The following FUT9 variants were observed in gnomAD, a reference collection of about 807,000 sequenced individuals.
The protein encoded by FUT9 is 4-galactosyl-N-acetylglucosaminide 3-alpha-L-fucosyltransferase 9.
Under a neutral mutation model 29.7 loss-of-function variants are expected in FUT9, and 15 were observed. The observed-to-expected ratio is 0.51, with a 90% CI of 0.34 to 0.78. The LOEUF (loss-of-function observed/expected upper bound fraction) is 0.78, where lower values mean the gene tolerates loss of function less well. Among genes scored for constraint, FUT9 ranks in the 30% least tolerant of loss-of-function variants. The pLI is 0.01. For missense variants in FUT9, 319 were observed against 425.4 expected, an observed-to-expected ratio of 0.75 and a Z score of 2.20; for synonymous variants, 169 against 153.7, an observed-to-expected ratio of 1.10 and a Z score of -0.74.
intron 1 of FUT9, among the ~76,000 whole-genome samples, chr6:96,087,779 T>A (rs146312454): frequency 1.3e-5 from 2 of 152,334 alleles, no homozygotes; most frequent in East Asian, 3.9e-4. Context: ...AATGTTCTGA[T>A]ATAGAGAAAA....
chr6:96,203,230 T>C lies in FUT9; in HGVS notation c.75T>C (p.Cys25=). 1.9e-6 allele frequency: 3 copies of C among 1,613,546 alleles called. No homozygotes were observed. Among genetic ancestry groups the C allele is most frequent in the Non-Finnish European group, 2.5e-6 (3 of 1,179,476 alleles). Residue 25 remains cysteine (C), a synonymous_variant, in exon 3 of 3, where the codon TGT becomes TGC. Coordinates refer to ENST00000302103, the MANE Select transcript of FUT9 (RefSeq NM_006581.4). ...TTATCCTGGGCTGTTTCATGGCATG[T>C]CTTCTCATTTACATCAAACCTACCA... ...VCIILGCFMA[C]LLIYIKPTNS...
intron 1 of FUT9, among the ~76,000 whole-genome samples, chr6:96,035,653 C>CTAATA (rs201146589): frequency 0.43 from 58,216 of 134,606 alleles, 12,578 homozygotes; most frequent in South Asian, 0.46. Context: ...ATTTATTATA[C>CTAATA]TAATATAATA....
chr6:96,135,498 G>A (rs1772330325), intron 2 of FUT9, among the ~76,000 whole-genome samples: 1 of 151,896 alleles, frequency 6.6e-6, no homozygotes, highest in South Asian at 2.1e-4. Flanking sequence ...CAGTTGGCCA[G>A]CCAATTTAAT....
At chr6:96,169,404 TAGTA>T (rs1773071879) in intron 2 of FUT9, among the ~76,000 whole-genome samples, 1 of 152,212 alleles carries the variant, frequency 6.6e-6, no homozygotes, top group Non-Finnish European at 1.5e-5. Flanking sequence ...TTATGGCACA[TAGTA>T]AGTACTCAAT....
At chr6:96,161,246 TCC>T (rs1772895515) in intron 2 of FUT9, among the ~76,000 whole-genome samples, 1 of 152,130 alleles carries the variant, frequency 6.6e-6, no homozygotes, top group Non-Finnish European at 1.5e-5. Flanking sequence ...TACAGAGCTC[TCC>T]TGGATGGGAT....
intron 2 of FUT9, among the ~76,000 whole-genome samples, chr6:96,151,720 C>T (rs17056252): frequency 0.16 from 24,111 of 152,146 alleles, 2,122 homozygotes; most frequent in African/African-American, 0.19. Context: ...CTCATGAGCT[C>T]TGAGTTTCAG....
intron 2 of FUT9, among the ~76,000 whole-genome samples, chr6:96,168,908 C>A (rs1045967126): frequency 1.3e-5 from 2 of 152,132 alleles, no homozygotes; most frequent in Non-Finnish European, 2.9e-5. Flanking sequence ...AAGGAATTGG[C>A]TCTCATAGGA....
chr6:96,093,622 G>A (rs1771449945), intron 1 of FUT9, among the ~76,000 whole-genome samples: 2 of 152,038 alleles, frequency 1.3e-5, no homozygotes, highest in African/African-American at 4.8e-5. Context: ...ACAAAAATTA[G>A]AATTTAAATA....
intron 1 of FUT9, among the ~76,000 whole-genome samples, chr6:96,095,495 A>G (rs1379505296): frequency 1.3e-5 from 2 of 152,100 alleles, no homozygotes; most frequent in African/African-American, 4.8e-5. Flanking sequence ...AATTCAGACA[A>G]AGTATCAGTC....
chr6:96,047,202 G>A (rs898327654), intron 1 of FUT9, among the ~76,000 whole-genome samples: 2 of 152,106 alleles, frequency 1.3e-5, no homozygotes, highest in African/African-American at 4.8e-5. Context: ...TGGAGAAATG[G>A]TAAGAACCAG....
intron 2 of FUT9, among the ~76,000 whole-genome samples, chr6:96,151,536 C>T (rs1281202142): frequency 6.6e-6 from 1 of 152,160 alleles, no homozygotes; most frequent in African/African-American, 2.4e-5. Flanking sequence ...GTTCTGCCTT[C>T]CTCCTTGCTT....
At chr6:96,144,093 A>G (rs1029940671) in intron 2 of FUT9, among the ~76,000 whole-genome samples, 3 of 152,134 alleles carry the variant, frequency 2.0e-5, no homozygotes, top group African/African-American at 4.8e-5. Context: ...TCTCTTGGAT[A>G]TGTTTTCTCG....
At chr6:96,119,771 G>T (rs566960494) in intron 2 of FUT9, among the ~76,000 whole-genome samples, 8 of 152,088 alleles carry the variant, frequency 5.3e-5, no homozygotes, top group Admixed American at 5.2e-4. Context: ...AAAATTTATA[G>T]CATACTCTTA....
At chr6:96,170,588 A>G (rs1486349870) in intron 2 of FUT9, among the ~76,000 whole-genome samples, 1 of 152,038 alleles carries the variant, frequency 6.6e-6, no homozygotes, top group East Asian at 1.9e-4. Context: ...GAATAGTAAT[A>G]AAATAAGAAA....
chr6:96,156,700 T>G (rs910152942), intron 2 of FUT9, among the ~76,000 whole-genome samples: 46 of 152,150 alleles, frequency 3.0e-4, no homozygotes, highest in African/African-American at 1.1e-3. Context: ...AGGTCGGATG[T>G]TTTCCAGGGA....
rs140735633 is a variant in FUT9 at position 96,042,713 on chromosome 6, T to C, written c.-98+26501T>C. ...AAACCCTCCTTTTTTGGTCTTGTATTAGCCCGTTGGGTTTAAGTGTATTAG... is the reference window on the plus strand; with the variant it reads ...AAACCCTCCTTTTTTGGTCTTGTATCAGCCCGTTGGGTTTAAGTGTATTAG... On this transcript the variant is annotated intron_variant, in intron 1 of 2. Transcript: ENST00000302103. Among the ~76,000 whole-genome samples, 571 of 152,324 alleles carry C rather than the reference T, an allele frequency of 3.7e-3. 5 individuals are homozygous for C. Among genetic ancestry groups the C allele is most frequent in the African/African-American group, 0.013 (527 of 41,568 alleles).
At chr6:96,046,221 G>GCACTCA (rs1554188605) in intron 1 of FUT9, among the ~76,000 whole-genome samples, 1 of 148,084 alleles carries the variant, frequency 6.8e-6, no homozygotes, top group East Asian at 2.0e-4. Context: ...ACACAGATAT[G>GCACTCA]CACACACACA....
At chr6:96,038,448 A>G (rs1770401128) in intron 1 of FUT9, among the ~76,000 whole-genome samples, 1 of 152,166 alleles carries the variant, frequency 6.6e-6, no homozygotes, top group Non-Finnish European at 1.5e-5. Flanking sequence ...CTATAAAGTG[A>G]ATTTGAAAAA....
Position 96,079,599 on chromosome 6 carries a change from A to C in FUT9, c.-97-34440A>C, listed in dbSNP as rs186836332. 2.0e-5 allele frequency among the ~76,000 whole-genome samples: 3 copies of C among 152,264 alleles called. No individual in the cohort carries two copies. In the East Asian group the frequency reaches 5.8e-4, roughly 29 times the overall value. ...GAATATTGTTTTATTAGTCTTCTCG[A>C]TATTGGCATCACCAGTTTGTCTTCT... On this transcript the variant is annotated intron_variant, in intron 1 of 2. Transcript: ENST00000302103.
Sources: gnomAD v4.1 joint callset for allele counts (sites outside exome capture counted in the v4.1 genomes callset) on GRCh38, gnomAD v4.1.1 for gene constraint, MANE v1.5 for transcripts, NCBI Gene and HGNC (gene_info 2026-07-23, HGNC 2026-07-21) for gene names.